The following SLC12A7 variants were observed in gnomAD, a reference collection of about 807,000 sequenced individuals.
SLC12A7 encodes the protein K-Cl cotransporter 4.
Under a neutral mutation model 120.6 loss-of-function variants are expected in SLC12A7, and 100 were observed. The observed-to-expected ratio is 0.83, with a 90% CI of 0.71 to 0.98. The LOEUF (loss-of-function observed/expected upper bound fraction) is 0.98, where lower values mean the gene tolerates loss of function less well. Ranked by LOEUF, SLC12A7 falls within the 50% of genes least tolerant of loss-of-function variation. The pLI is 0.00. For synonymous variants in SLC12A7, 760 were observed against 678.0 expected (o/e 1.12, Z -1.88); for missense variants, 1,373 against 1,548.1 (o/e 0.89, Z 1.90).
At chr5:1,135,653 G>A in the SLC12A7 span, among the ~76,000 whole-genome samples, 2 of 152,228 alleles carry the variant, frequency 1.3e-5, no homozygotes, top group Non-Finnish European at 2.9e-5. Flanking sequence ...GCAAAGTGAT[G>A]CCACACGCAG....
Position 1,064,247 on chromosome 5 carries a change from CGGTGTCTGCGGAG to C in SLC12A7, c.2438-8_2442del. On this transcript the variant is annotated splice_acceptor_variant and splice_polypyrimidine_tract_variant and coding_sequence_variant and intron_variant, in exon 19 of 24. Coordinates refer to ENST00000264930, the MANE Select transcript of SLC12A7 (RefSeq NM_006598.3). LOFTEE classifies it high-confidence loss of function. ...TGGTGCGCGGCGGTGGTGTCGCGGA[CGGTGTCTGCGGAG>C]AGAGGCGGCCGTCCGCAGGTCATCT... 2 of 1,608,718 alleles carry C rather than the reference CGGTGTCTGCGGAG, an allele frequency of 1.2e-6. No homozygotes were observed. The highest frequency in any genetic ancestry group is 1.7e-6 in the Non-Finnish European group (2 of 1,177,946).
chr5:1,100,524 C>T (rs947144707), intron 1 of SLC12A7, among the ~76,000 whole-genome samples: 6 of 152,238 alleles, frequency 3.9e-5, no homozygotes, highest in South Asian at 2.1e-4. Flanking sequence ...CAAAACCAAA[C>T]GAGGCTCCAG....
chr5:1,101,609 TC>T (rs1180076530), intron 1 of SLC12A7, among the ~76,000 whole-genome samples: 1 of 152,174 alleles, frequency 6.6e-6, no homozygotes, highest in African/African-American at 2.4e-5. Flanking sequence ...GTCAGTTTTT[TC>T]TCGTCTTATT....
intron 9 of SLC12A7, among the ~76,000 whole-genome samples, chr5:1,079,741 C>T (rs1226759710): frequency 2.6e-5 from 4 of 152,208 alleles, no homozygotes; most frequent in Admixed American, 6.5e-5. Flanking sequence ...GAACCGACCC[C>T]GTCACTGACC....
chr5:1,121,488 T>C, the SLC12A7 span, among the ~76,000 whole-genome samples: 2 of 152,172 alleles, frequency 1.3e-5, no homozygotes, highest in African/African-American at 4.8e-5. Flanking sequence ...GGTGGAATGC[T>C]GCTGAGAGGT....
chr5:1,065,231 G>A, intron 18 of SLC12A7, 52 bp downstream of exon 18: 1 of 1,344,988 alleles, frequency 7.4e-7, no homozygotes, highest in Non-Finnish European at 1.0e-6. Context: ...GACACTGAGA[G>A]GACACAGAGG....
chr5:1,128,934 G>A, the SLC12A7 span, among the ~76,000 whole-genome samples: 2 of 152,176 alleles, frequency 1.3e-5, no homozygotes, highest in Admixed American at 6.5e-5. Context: ...TCCCTGCCAC[G>A]TGCTCCATCC....
intron 10 of SLC12A7, among the ~76,000 whole-genome samples, chr5:1,079,162 C>T (rs984980488): frequency 3.3e-5 from 5 of 152,218 alleles, no homozygotes; most frequent in African/African-American, 7.2e-5. Flanking sequence ...ACTGTCCACA[C>T]GCGGCAGGGT....
Position 1,083,788 on chromosome 5 carries a change from G to A in SLC12A7, c.1086C>T (p.Thr362=), listed in dbSNP as rs139043718. ...CCGCGCCCGGGATGCCCTGGATTTC[G>A]GTGACGTTGTTCTGGATGAAGTACT... is the stretch of plus-strand genomic sequence containing the variant. The part of the protein sequence containing the change: ...CDEYFIQNNV[T]EIQGIPGAAS... Residue 362 remains threonine (T), a synonymous_variant, in exon 8 of 24, where the codon ACC becomes ACT. Transcript: ENST00000264930. 6.6e-5 allele frequency: 107 copies of A among 1,612,566 alleles called. No homozygotes were observed. The East Asian group carries it at 1.7e-3, about 26-fold the overall frequency.
At chr5:1,154,070 A>G in the SLC12A7 span, among the ~76,000 whole-genome samples, 7 of 151,810 alleles carry the variant, frequency 4.6e-5, no homozygotes, top group Non-Finnish European at 8.8e-5. Context: ...CTAACCGAGA[A>G]TAACAAGTGT....
the SLC12A7 span, among the ~76,000 whole-genome samples, chr5:1,120,365 G>A: frequency 1.8e-3 from 280 of 152,344 alleles, no homozygotes; most frequent in Non-Finnish European, 3.5e-3. Context: ...GCAAGGAAAC[G>A]CTGAACCCGG....
In SLC12A7 at chr5:1,059,779, G is replaced by A. The variant is rs912826295; in HGVS notation, c.2847+565C>T. On this transcript the variant is annotated intron_variant, in intron 21 of 23. Coordinates refer to ENST00000264930, the MANE Select transcript of SLC12A7 (RefSeq NM_006598.3). Reference sequence around the variant, plus strand: ...GTGTCGGGGGGTGGGGGGTGGGGGGGTTGGCAACTCCCCTCCAGCTCGCTT... The same window carrying A: ...GTGTCGGGGGGTGGGGGGTGGGGGGATTGGCAACTCCCCTCCAGCTCGCTT... 2.9e-5 allele frequency among the ~76,000 whole-genome samples: 4 copies of A among 140,064 alleles called. No homozygotes were observed. In the Admixed American group the frequency reaches 2.9e-4, roughly 10 times the overall value. 91.9% of individuals were successfully genotyped at this position (140,064 alleles called of 152,430 possible).
intron 21 of SLC12A7, among the ~76,000 whole-genome samples, chr5:1,058,706 T>C (rs182220267): frequency 6.6e-4 from 101 of 152,308 alleles, no homozygotes; most frequent in African/African-American, 2.4e-3. Context: ...ACACAGACAG[T>C]GGGCCCCAGG....
chr5:1,153,626 CA>C, the SLC12A7 span, among the ~76,000 whole-genome samples: 5 of 152,208 alleles, frequency 3.3e-5, no homozygotes, highest in Non-Finnish European at 5.9e-5. Flanking sequence ...CCTGTTGCCA[CA>C]AGCCGTGTTG....
the SLC12A7 span, among the ~76,000 whole-genome samples, chr5:1,120,512 C>T: frequency 5.3e-5 from 8 of 152,374 alleles, no homozygotes; most frequent in African/African-American, 1.9e-4. Context: ...CTGTACCTCC[C>T]CACACAACTG....
chr5:1,085,584 G>A, intron 6 of SLC12A7, 111 bp from the exon 7 acceptor site: 1 of 1,424,316 alleles, frequency 7.0e-7, no homozygotes, highest in South Asian at 1.4e-5. Flanking sequence ...CAGGTGCCGG[G>A]GCCATCGGGA....
chr5:1,134,877 T>C, the SLC12A7 span, among the ~76,000 whole-genome samples: 3 of 152,128 alleles, frequency 2.0e-5, no homozygotes, highest in South Asian at 4.2e-4. Context: ...CTCATCCCTG[T>C]AACCCCAGCA....
In SLC12A7 at chr5:1,075,406, G is replaced by A. The variant is rs764902239; in HGVS notation, c.1932C>T (p.Ile644=). The change falls in exon 15 of 24, where the codon ATC becomes ATT. Residue 644 remains isoleucine (I), a synonymous_variant. Coordinates refer to ENST00000264930, the MANE Select transcript of SLC12A7 (RefSeq NM_006598.3). ...CGATGTACTTGTAGATGCAGCCAGC[G>A]ATGAGCATGGCGGACAGCGCGTAGT... ...SWYYALSAML[I]AGCIYKYIEY... The A allele has an allele frequency of 7.1e-5, 114 of 1,612,276 alleles. 1 individual carries two copies. Among genetic ancestry groups the A allele is most frequent in the Middle Eastern group, 3.3e-4 (2 of 6,076 alleles).
chr5:1,101,505 T>TAAA (rs1742012442), intron 1 of SLC12A7, among the ~76,000 whole-genome samples: 1 of 152,138 alleles, frequency 6.6e-6, no homozygotes, highest in Non-Finnish European at 1.5e-5. Context: ...CAGCCGCTGG[T>TAAA]GGAGAACCAG....
Sources: allele counts gnomAD v4.1 joint callset (sites outside exome capture counted in the v4.1 genomes callset), GRCh38; gene constraint gnomAD v4.1.1; transcripts MANE v1.5; gene names NCBI Gene and HGNC (gene_info 2026-07-23, HGNC 2026-07-21).